The following PRTG variants were observed in gnomAD, a reference collection of about 807,000 sequenced individuals.
The protein encoded by PRTG is protogenin, also known as immunoglobulin superfamily, DCC subclass, member 5.
PRTG carries 67 observed loss-of-function variants against 122.5 expected under a neutral mutation model. The ratio of observed to expected loss-of-function variants is 0.55; its 90% CI spans 0.45 to 0.67. The LOEUF is 0.67. Among genes scored for constraint, PRTG ranks in the 30% least tolerant of loss-of-function variants. The pLI is 0.00. For synonymous variants in PRTG, 554 were observed against 501.1 expected (o/e 1.11, Z -1.41); for missense variants, 1,435 against 1,415.4 (o/e 1.01, Z -0.22).
chr15:55,628,254 C>T (rs144006503), intron 16 of PRTG, among the ~76,000 whole-genome samples: 6 of 152,238 alleles, frequency 3.9e-5, no homozygotes, highest in Non-Finnish European at 4.4e-5. Flanking sequence ...AGAGAGGAGG[C>T]AAAGGCAGTG....
intron 2 of PRTG, among the ~76,000 whole-genome samples, chr15:55,695,861 C>T (rs1020377232): frequency 6.6e-6 from 1 of 152,122 alleles, no homozygotes; most frequent in African/African-American, 2.4e-5. Flanking sequence ...GTCTCAGCTA[C>T]TCTGGAGGCT....
intron 2 of PRTG, among the ~76,000 whole-genome samples, chr15:55,701,244 T>G (rs540846692): frequency 1.2e-4 from 19 of 152,182 alleles, no homozygotes; most frequent in African/African-American, 4.6e-4. Flanking sequence ...GCTATAAGAC[T>G]CTGCATTCTT....
chr15:55,644,973 G>A (rs186177077), intron 11 of PRTG, among the ~76,000 whole-genome samples: 8 of 152,142 alleles, frequency 5.3e-5, no homozygotes, highest in South Asian at 2.1e-4. Context: ...GCTGAGCAGC[G>A]GACAATGTGG....
chr15:55,722,589 G>C (rs189993682), intron 2 of PRTG, among the ~76,000 whole-genome samples: 14 of 152,354 alleles, frequency 9.2e-5, no homozygotes, highest in African/African-American at 3.4e-4. Context: ...AATAAACAGA[G>C]AGGTGAAGTT....
rs761628057 is a variant in PRTG at position 55,680,510 on chromosome 15, G to T, written c.795C>A (p.Ile265=). ...ECMATGNPKP[I]ISWSRLDHKS... ...ACTTACCAAGGCGGCTCCAAGAAATGATTGGTTTGGGATTTCCTGTGGCCA... is the reference window on the plus strand; with the variant it reads ...ACTTACCAAGGCGGCTCCAAGAAATTATTGGTTTGGGATTTCCTGTGGCCA... The change falls in exon 5 of 20, where the codon ATC becomes ATA. Residue 265 remains isoleucine (I), a synonymous_variant. Transcript: ENST00000389286. 2 of 1,593,694 alleles carry T rather than the reference G, an allele frequency of 1.3e-6. No individual in the cohort carries two copies. The highest frequency in any genetic ancestry group is 2.2e-5 in the East Asian group (1 of 44,476).
At chr15:55,729,185 G>C (rs142860259) in intron 2 of PRTG, among the ~76,000 whole-genome samples, 173 of 152,252 alleles carry the variant, frequency 1.1e-3, no homozygotes, top group Non-Finnish European at 6.8e-4. Flanking sequence ...ATCTTATTTG[G>C]CCACAAAAAG....
At chr15:55,719,087 G>T (rs1249492685) in intron 2 of PRTG, among the ~76,000 whole-genome samples, 1 of 151,910 alleles carries the variant, frequency 6.6e-6, no homozygotes, top group Non-Finnish European at 1.5e-5. Flanking sequence ...ATATATAACT[G>T]GTTCTATAAA....
At chr15:55,686,958 C>T (rs2059573745) in intron 2 of PRTG, among the ~76,000 whole-genome samples, 1 of 152,218 alleles carries the variant, frequency 6.6e-6, no homozygotes, top group African/African-American at 2.4e-5. Flanking sequence ...CAGACCTTCA[C>T]TGCTGCCTTT....
Position 55,615,812 on chromosome 15 carries a change from C to T in PRTG, c.*4200G>A, listed in dbSNP as rs2059139521. 6.6e-6 allele frequency: 1 copy of T among 151,912 alleles called. No individual in the cohort carries two copies. Among genetic ancestry groups the T allele is most frequent in the African/African-American group, 2.4e-5 (1 of 41,366 alleles). The allele number at this position is 151,912 out of a possible 1,614,324, so 9.4% of individuals were successfully genotyped here. A position where few individuals can be genotyped will look rare whatever the true frequency, so the allele number is the denominator to read the frequency against. On this transcript the variant is annotated 3_prime_UTR_variant, in exon 20 of 20. Transcript: ENST00000389286. ...CACTATAGCTACTGCTGAAGTGAAA[C>T]CACATCTGGGTATTCTTGCATTAAA...
At chr15:55,727,517 C>T (rs1254077485) in intron 2 of PRTG, among the ~76,000 whole-genome samples, 1 of 152,044 alleles carries the variant, frequency 6.6e-6, no homozygotes, top group Non-Finnish European at 1.5e-5. Flanking sequence ...AACAATAGGC[C>T]GGACATGGTG....
chr15:55,679,099 A>C (rs1041841613), intron 7 of PRTG, among the ~76,000 whole-genome samples, 187 bp downstream of exon 7: 6 of 152,214 alleles, frequency 3.9e-5, no homozygotes, highest in African/African-American at 1.4e-4. Context: ...ATAAAATACC[A>C]ATGAGTATTT....
intron 1 of PRTG, among the ~76,000 whole-genome samples, chr15:55,741,825 G>A (rs531016801): frequency 6.6e-6 from 1 of 152,204 alleles, no homozygotes; most frequent in Admixed American, 6.5e-5. Flanking sequence ...CGCTGTGCGC[G>A]GACCACTCCG....
chr15:55,656,355 C>A (rs1248736090), intron 11 of PRTG: 1 of 455,384 alleles, frequency 2.2e-6, no homozygotes, highest in South Asian at 1.6e-5. Flanking sequence ...TAGATTCGGG[C>A]TAAACATTTT....
At position 55,683,771 on chromosome 15, in the gene PRTG, A is replaced by G. The variant is rs538075215; in HGVS notation, c.542+16T>C. The stretch of plus-strand genomic sequence containing the variant: ...TTACTCCCATATCATCTCCAAAGAC[A>G]AAAATCTACATCTACCTGTCCATAG... On this transcript the variant is annotated intron_variant, in intron 3 of 19. Coordinates refer to ENST00000389286, the MANE Select transcript of PRTG (RefSeq NM_173814.6). 3.1e-6 allele frequency: 5 copies of G among 1,602,778 alleles called. No homozygotes were observed. In the Admixed American group the frequency reaches 8.5e-5, roughly 27 times the overall value.
chr15:55,647,265 G>A (rs1204512059), intron 11 of PRTG, among the ~76,000 whole-genome samples: 1 of 152,134 alleles, frequency 6.6e-6, no homozygotes, highest in Admixed American at 6.6e-5. Context: ...GATGACAAGA[G>A]TGAAACTCCG....
At chr15:55,651,764 C>G (rs1007548373) in intron 11 of PRTG, among the ~76,000 whole-genome samples, 1 of 152,120 alleles carries the variant, frequency 6.6e-6, no homozygotes, top group Non-Finnish European at 1.5e-5. Flanking sequence ...AGAGCCAGGT[C>G]AGAGCAAGCA....
intron 2 of PRTG, among the ~76,000 whole-genome samples, chr15:55,727,363 A>C (rs577228457): frequency 6.6e-6 from 1 of 152,348 alleles, no homozygotes; most frequent in South Asian, 2.1e-4. Flanking sequence ...GATGATAAGA[A>C]AATACTATGA....
At chr15:55,627,491 A>C (rs1405974789) in intron 16 of PRTG, among the ~76,000 whole-genome samples, 1 of 117,614 alleles carries the variant, frequency 8.5e-6, no homozygotes, top group Non-Finnish European at 1.7e-5. Context: ...CGCCCAGCTA[A>C]GTTTTTTTTT....
At chr15:55,638,029 A>G (rs1266425546) in intron 14 of PRTG, among the ~76,000 whole-genome samples, 1 of 152,212 alleles carries the variant, frequency 6.6e-6, no homozygotes, top group African/African-American at 2.4e-5. Context: ...TGATGCTTAT[A>G]TAATAGATTA....
Sources: gnomAD v4.1 joint callset for allele counts (sites outside exome capture counted in the v4.1 genomes callset) on GRCh38, gnomAD v4.1.1 for gene constraint, MANE v1.5 for transcripts, NCBI Gene and HGNC (gene_info 2026-07-23, HGNC 2026-07-21) for gene names.